The following TMEM272 variants were observed in gnomAD, a reference collection of about 807,000 sequenced individuals.
TMEM272 encodes long intergenic non-protein coding RNA 282.
TMEM272 carries 8 observed loss-of-function variants against 3.7 expected under a neutral mutation model. The ratio of observed to expected loss-of-function variants is 2.17; its 90% CI spans 1.27 to 3.91. The LOEUF (loss-of-function observed/expected upper bound fraction) is 3.91. TMEM272 is among the 30% of genes most tolerant of loss of function. TMEM272 has a pLI of 0.00. For missense variants in TMEM272, 166 were observed against 91.5 expected, an observed-to-expected ratio of 1.81 and a Z score of -3.32; for synonymous variants, 63 against 39.8, an observed-to-expected ratio of 1.58 and a Z score of -2.20.
chr13:51,911,531 T>C, the TMEM272 span, among the ~76,000 whole-genome samples: 8 of 152,178 alleles, frequency 5.3e-5, no homozygotes, highest in Admixed American at 2.6e-4. Flanking sequence ...CTCCCGCGCA[T>C]GCACATATCT....
At chr13:51,842,202 T>C (rs1956269396) in intron 1 of TMEM272, among the ~76,000 whole-genome samples, 1 of 152,138 alleles carries the variant, frequency 6.6e-6, no homozygotes, top group Admixed American at 6.5e-5. Context: ...GGGGTAGGGG[T>C]AGGGAGGAAT....
intron 2 of TMEM272, among the ~76,000 whole-genome samples, chr13:51,829,692 C>T (rs571355120): frequency 2.8e-4 from 42 of 152,232 alleles, no homozygotes; most frequent in Admixed American, 4.6e-4. Context: ...GCAGATGGTG[C>T]CACCTGGCCA....
rs117530617 is a variant in TMEM272, at chr13:51,820,208, G to A, written c.201+1847C>T. Among the ~76,000 whole-genome samples, 1,434 of 152,204 alleles carry A rather than the reference G, an allele frequency of 9.4e-3. 6 individuals are homozygous for A. Among genetic ancestry groups the A allele is most frequent in the South Asian group, 0.019 (91 of 4,818 alleles). ...GGGGCATGACCCTCAGTTCTTTCTGGTAGCTCCATGAAATGTCAGCTCACA... is the reference window on the plus strand; with the variant it reads ...GGGGCATGACCCTCAGTTCTTTCTGATAGCTCCATGAAATGTCAGCTCACA... On this transcript the variant is annotated intron_variant, in intron 4 of 4. Transcript: ENST00000629372.
rs1332092781 is a variant in TMEM272 at position 51,814,462 on chromosome 13, A to G, written c.*2289T>C. The G allele has an allele frequency of 1.3e-5, 2 of 152,188 alleles. 1 individual carries two copies. Among genetic ancestry groups the G allele is most frequent in the South Asian group, 4.1e-4 (2 of 4,824 alleles). 9.4% of individuals were successfully genotyped at this position (152,188 alleles called of 1,614,324 possible). ...TAACCTGTTTCCCCAGAAGGGGGTA[A>G]TTTTGTTTTTTAGAGATGGGGTCTC... On this transcript the variant is annotated 3_prime_UTR_variant, in exon 5 of 5. Transcript: ENST00000629372.
chr13:51,861,176 CAA>C, the TMEM272 span, among the ~76,000 whole-genome samples: 4 of 151,804 alleles, frequency 2.6e-5, no homozygotes, highest in African/African-American at 9.7e-5. Context: ...AATACACAGA[CAA>C]AGAATAAAAT....
At chr13:51,852,419 C>G in the TMEM272 span, among the ~76,000 whole-genome samples, 1 of 152,320 alleles carries the variant, frequency 6.6e-6, no homozygotes, top group Admixed American at 6.5e-5. Context: ...AAAGTCTCCT[C>G]TTTCACAAAG....
At chr13:51,819,987 T>C (rs1228741646) in intron 4 of TMEM272, among the ~76,000 whole-genome samples, 1 of 152,222 alleles carries the variant, frequency 6.6e-6, no homozygotes, top group Admixed American at 6.5e-5. Context: ...GGCAGGATGA[T>C]TATTAGAGCC....
chr13:51,863,674 C>CAG, the TMEM272 span, among the ~76,000 whole-genome samples: 46 of 24,044 alleles, frequency 1.9e-3, no homozygotes, highest in African/African-American at 3.0e-3. Context: ...CGCACACAGA[C>CAG]ACACACACAC....
chr13:51,865,286 C>T, the TMEM272 span: 1 of 1,028,742 alleles, frequency 9.7e-7, no homozygotes, highest in Non-Finnish European at 1.4e-6. Flanking sequence ...GGGCCGTCCC[C>T]TGGCATGTGA....
At chr13:51,911,769 C>T in the TMEM272 span, among the ~76,000 whole-genome samples, 1 of 152,214 alleles carries the variant, frequency 6.6e-6, no homozygotes, top group Non-Finnish European at 1.5e-5. Context: ...ACATCTGCCA[C>T]TCCCTTGCCC....
rs1256696201 is a variant in TMEM272 at position 51,814,937 on chromosome 13, G to A, written c.*1814C>T. ...AGGCCCTCGCAACAGAAGCCTCAGAGGCTTTCATGTGGGAGTCATGCAGGT... is the reference window on the plus strand; with the variant it reads ...AGGCCCTCGCAACAGAAGCCTCAGAAGCTTTCATGTGGGAGTCATGCAGGT... On this transcript the variant is annotated 3_prime_UTR_variant, in exon 5 of 5. Coordinates refer to ENST00000629372, the MANE Select transcript of TMEM272 (RefSeq NM_001351003.2). 6.5e-6 allele frequency: 1 copy of A among 152,698 alleles called. No homozygotes were observed. The highest frequency in any genetic ancestry group is 6.5e-5 in the Admixed American group (1 of 15,290). 9.5% of individuals were successfully genotyped at this position (152,698 alleles called of 1,614,324 possible).
chr13:51,912,715 C>T, the TMEM272 span, among the ~76,000 whole-genome samples: 1 of 152,118 alleles, frequency 6.6e-6, no homozygotes, highest in Non-Finnish European at 1.5e-5. Flanking sequence ...GCCTACTGAC[C>T]CCTGCTCATC....
chr13:51,854,167 G>A, the TMEM272 span, among the ~76,000 whole-genome samples: 2 of 152,144 alleles, frequency 1.3e-5, no homozygotes, highest in African/African-American at 2.4e-5. Context: ...CTGATGTTAA[G>A]TGATTTATTT....
At chr13:51,913,145 T>C in the TMEM272 span, among the ~76,000 whole-genome samples, 44 of 152,330 alleles carry the variant, frequency 2.9e-4, 1 homozygote, top group Non-Finnish European at 6.0e-4. Flanking sequence ...TCGTGTGGAA[T>C]GCAGTTGAGG....
chr13:51,910,977 T>G, the TMEM272 span, among the ~76,000 whole-genome samples: 1 of 152,174 alleles, frequency 6.6e-6, no homozygotes, highest in Non-Finnish European at 1.5e-5. Context: ...TGAGCCCAGG[T>G]GAGGCCAGCA....
At chr13:51,870,570 A>C in the TMEM272 span, among the ~76,000 whole-genome samples, 1 of 152,256 alleles carries the variant, frequency 6.6e-6, no homozygotes, top group Non-Finnish European at 1.5e-5. Context: ...GTTTTTAAAA[A>C]TCAGAAATCC....
upstream of TMEM272, among the ~76,000 whole-genome samples, chr13:51,848,024 T>A (rs988741088): frequency 6.6e-6 from 1 of 152,172 alleles, no homozygotes; most frequent in Non-Finnish European, 1.5e-5. Flanking sequence ...AAAGTGATTA[T>A]GAGACTCCAA....
At chr13:51,872,953 G>A in the TMEM272 span, among the ~76,000 whole-genome samples, 1 of 152,330 alleles carries the variant, frequency 6.6e-6, no homozygotes, top group African/African-American at 2.4e-5. Flanking sequence ...ACCAAAATGT[G>A]GGAGTTAAGC....
the TMEM272 span, among the ~76,000 whole-genome samples, chr13:51,931,863 C>A: frequency 2.0e-5 from 3 of 152,044 alleles, no homozygotes; most frequent in African/African-American, 7.3e-5. Context: ...AGATAATCAC[C>A]TCAATGATTC....
Sources: allele counts gnomAD v4.1 joint callset (sites outside exome capture counted in the v4.1 genomes callset), GRCh38; gene constraint gnomAD v4.1.1; transcripts MANE v1.5; gene names NCBI Gene and HGNC (gene_info 2026-07-23, HGNC 2026-07-21).